The following EPB41L4B variants were observed in gnomAD, a reference collection of about 807,000 sequenced individuals.
EPB41L4B encodes erythrocyte membrane protein band 4.1 like 4B.
A neutral mutation model predicts 112.5 loss-of-function variants in EPB41L4B; 30 were observed. The ratio of observed to expected loss-of-function variants is 0.27; its 90% CI spans 0.20 to 0.36. The LOEUF (loss-of-function observed/expected upper bound fraction) is 0.36, where lower values mean the gene tolerates loss of function less well. EPB41L4B is among the 10% of genes least tolerant of loss of function. The pLI, the probability that EPB41L4B is intolerant of heterozygous loss-of-function variation, is 1.00. For synonymous variants in EPB41L4B, 408 were observed against 439.7 expected (o/e 0.93, Z 0.90); for missense variants, 1,024 against 1,133.3 (o/e 0.90, Z 1.38).
chr9:109,260,529 T>C (rs1327791821), intron 6 of EPB41L4B, among the ~76,000 whole-genome samples: 2 of 151,608 alleles, frequency 1.3e-5, no homozygotes, highest in Non-Finnish European at 2.9e-5. Flanking sequence ...ATTCTCCTGC[T>C]TCAGCCTCCT....
At chr9:109,272,569 A>G (rs985328282) in intron 2 of EPB41L4B, among the ~76,000 whole-genome samples, 1 of 152,186 alleles carries the variant, frequency 6.6e-6, no homozygotes, top group African/African-American at 2.4e-5. Flanking sequence ...CCTGGACAAC[A>G]TGGTAAAATC....
intron 1 of EPB41L4B, among the ~76,000 whole-genome samples, chr9:109,296,725 C>A (rs1365217751): frequency 6.6e-6 from 1 of 152,000 alleles, no homozygotes; most frequent in Non-Finnish European, 1.5e-5. Flanking sequence ...CATCTCTACA[C>A]AAAATTTTAA....
intron 4 of EPB41L4B, among the ~76,000 whole-genome samples, chr9:109,266,976 A>C (rs1323689898): frequency 1.0e-4 from 14 of 136,508 alleles, no homozygotes; most frequent in Non-Finnish European, 1.2e-4. Context: ...TTCAAAAAAA[A>C]AAAAAAAAAA....
At chr9:109,313,690 C>T (rs144725455) in intron 1 of EPB41L4B, among the ~76,000 whole-genome samples, 335 of 152,264 alleles carry the variant, frequency 2.2e-3, no homozygotes, top group African/African-American at 7.8e-3. Flanking sequence ...CAGCACACAG[C>T]GCAGATGGCT....
chr9:109,268,455 T>A, intron 2 of EPB41L4B, 22 bp from the exon 3 acceptor site: 1 of 1,602,806 alleles, frequency 6.2e-7, no homozygotes, highest in Non-Finnish European at 8.5e-7. Flanking sequence ...AAAAAAAGTT[T>A]CTTTAGGAAT....
At chr9:109,255,921 C>T in intron 9 of EPB41L4B, 78 bp from the exon 10 acceptor site, 5 of 1,396,546 alleles carry the variant, frequency 3.6e-6, no homozygotes, top group Non-Finnish European at 4.9e-6. Context: ...TTCCTTTCTA[C>T]TTTTAAAGCT....
At chr9:109,305,208 G>A (rs10979816) in intron 1 of EPB41L4B, among the ~76,000 whole-genome samples, 132,876 of 144,206 alleles carry the variant, frequency 0.92, 61,331 homozygotes, top group East Asian at 1. Flanking sequence ...GCGGGAAGGT[G>A]GGGTGGTGGG....
At chr9:109,310,735 G>A (rs1302710402) in intron 1 of EPB41L4B, among the ~76,000 whole-genome samples, 2 of 152,224 alleles carry the variant, frequency 1.3e-5, no homozygotes, top group Non-Finnish European at 2.9e-5. Context: ...TCTGGTGGCA[G>A]TGCCACAAGT....
intron 1 of EPB41L4B, among the ~76,000 whole-genome samples, chr9:109,316,619 G>A (rs1409555814): frequency 6.6e-6 from 1 of 152,232 alleles, no homozygotes; most frequent in East Asian, 1.9e-4. Flanking sequence ...CAGGGCCAGG[G>A]TTTCTGAAGA....
At chr9:109,190,102 G>C (rs1832409266) in intron 22 of EPB41L4B, among the ~76,000 whole-genome samples, 1 of 152,082 alleles carries the variant, frequency 6.6e-6, no homozygotes, top group African/African-American at 2.4e-5. Context: ...CGCTCGGCTA[G>C]GTTACGCTGG....
At chr9:109,248,958 C>T (rs1834663256) in intron 13 of EPB41L4B, among the ~76,000 whole-genome samples, 1 of 151,292 alleles carries the variant, frequency 6.6e-6, no homozygotes, top group Non-Finnish European at 1.5e-5. Context: ...ACTCGGGAGG[C>T]TGAGGCAGGA....
chr9:109,243,728 T>C (rs1396847513), intron 14 of EPB41L4B, 46 bp from the exon 15 acceptor site: 1 of 1,578,986 alleles, frequency 6.3e-7, no homozygotes. Context: ...CCTTTTAATT[T>C]CAATGGTCCT....
chr9:109,240,119 C>A (rs1201435520), intron 15 of EPB41L4B: 1 of 984,564 alleles, frequency 1.0e-6, no homozygotes, highest in East Asian at 1.1e-4. Flanking sequence ...TGCATAGCAA[C>A]AAGAATCAAT....
At chr9:109,251,339 A>G in intron 13 of EPB41L4B, 142 bp downstream of exon 13, 4 of 782,370 alleles carry the variant, frequency 5.1e-6, no homozygotes, top group South Asian at 1.5e-5. Context: ...TGAGCATGGA[A>G]TAGCCAGGCA....
chr9:109,222,434 G>A (rs181353318), intron 15 of EPB41L4B, among the ~76,000 whole-genome samples: 207 of 152,270 alleles, frequency 1.4e-3, no homozygotes, highest in Admixed American at 2.2e-3. Context: ...TGTGCCCTGC[G>A]GAACTCCTGG....
intron 12 of EPB41L4B, 145 bp downstream of exon 12, chr9:109,253,296 G>C: frequency 1.6e-6 from 1 of 614,604 alleles, no homozygotes; most frequent in Non-Finnish European, 2.9e-6. Context: ...CCCGTTAAAA[G>C]AACACCACTG....
rs776881523 is a variant in EPB41L4B, at chr9:109,192,288, G to A, written c.2291C>T (p.Ala764Val). Residue 764 changes from alanine to valine, a missense_variant, in exon 22 of 26, where the codon GCC becomes GTC. Physicochemically the swap from Ala to Val is moderately conservative, Grantham distance 64 (BLOSUM62 0). Transcript: ENST00000374566. The stretch of plus-strand genomic sequence containing the variant: ...AAATAGGAAGTTTACCAGAGGAGTG[G>A]CTTCTGTGAAATCCATCAGAAGATC... ...PGDLLMDFTE[A>V]TPLAEPASNP... 2 of 1,609,652 alleles carry A rather than the reference G, an allele frequency of 1.2e-6. No homozygotes were observed. Among genetic ancestry groups the A allele is most frequent in the Non-Finnish European group, 8.5e-7 (1 of 1,177,866 alleles).
At position 109,256,402 on chromosome 9, in the gene EPB41L4B, G is replaced by A; in HGVS notation, c.831C>T (p.His277=). The part of the protein sequence containing the change: ...KWLEMYGVDM[H]VVRGRDGCEY... ...CGCACACAGTTCTTACCCTGACAAC[G>A]TGCATGTCTACCCCATACATTTCCA... The change falls in exon 8 of 26, where the codon CAC becomes CAT. Residue 277 remains histidine, a synonymous_variant. Coordinates refer to ENST00000374566, the MANE Select transcript of EPB41L4B (RefSeq NM_019114.5). The A allele has an allele frequency of 6.2e-7, 1 of 1,614,050 alleles. No individual in the cohort carries two copies. Among genetic ancestry groups the A allele is most frequent in the African/African-American group, 1.3e-5 (1 of 75,042 alleles).
intron 1 of EPB41L4B, among the ~76,000 whole-genome samples, chr9:109,305,263 C>T (rs1837137082): frequency 1.3e-5 from 2 of 152,058 alleles, no homozygotes; most frequent in Admixed American, 1.3e-4. Context: ...ATAAATGTGG[C>T]ATCATCTGAG....
Sources: gnomAD v4.1 joint callset for allele counts (sites outside exome capture counted in the v4.1 genomes callset) on GRCh38, gnomAD v4.1.1 for gene constraint, MANE v1.5 for transcripts, NCBI Gene and HGNC (gene_info 2026-07-23, HGNC 2026-07-21) for gene names.